LRFN5: variants seen among roughly 807,000 people sequenced by gnomAD.
LRFN5 encodes the protein leucine-rich repeat and fibronectin type-III domain-containing protein 5.
Under a neutral mutation model 45.6 loss-of-function variants are expected in LRFN5, and 24 were observed. The ratio of observed to expected loss-of-function variants is 0.53; its 90% CI spans 0.38 to 0.74. The LOEUF is 0.74. Among genes scored for constraint, LRFN5 ranks in the 30% least tolerant of loss-of-function variants. The probability of loss-of-function intolerance (pLI) is 0.00; values close to 1 mark genes in which losing one functional copy is unlikely to be tolerated. For synonymous variants in LRFN5, 340 were observed against 313.8 expected (o/e 1.08, Z -0.88); for missense variants, 776 against 861.5 (o/e 0.90, Z 1.24).
At chr14:41,825,235 T>C (rs1888253336) in intron 2 of LRFN5, among the ~76,000 whole-genome samples, 1 of 152,120 alleles carries the variant, frequency 6.6e-6, no homozygotes. Context: ...GGAATGGCCA[T>C]CCACAGACGC....
intron 2 of LRFN5, among the ~76,000 whole-genome samples, chr14:41,788,856 G>T (rs1444060318): frequency 6.6e-6 from 1 of 151,920 alleles, no homozygotes; most frequent in Non-Finnish European, 1.5e-5. Flanking sequence ...CTTCCCATGT[G>T]CGTGTTAATA....
intron 1 of LRFN5, among the ~76,000 whole-genome samples, chr14:41,759,995 G>A (rs1215609869): frequency 6.6e-6 from 1 of 152,204 alleles, no homozygotes; most frequent in Non-Finnish European, 1.5e-5. Context: ...GTTTTTTCCA[G>A]TGGTTACATC....
intron 1 of LRFN5, among the ~76,000 whole-genome samples, chr14:41,610,661 TA>T (rs199770856): frequency 0.023 from 872 of 37,326 alleles, 57 homozygotes; most frequent in Non-Finnish European, 0.041. Context: ...CCAGGGAAGG[TA>T]AAAAAAAAAA....
chr14:41,678,329 A>G (rs1434605295), intron 1 of LRFN5, among the ~76,000 whole-genome samples: 2 of 152,042 alleles, frequency 1.3e-5, no homozygotes, highest in Non-Finnish European at 2.9e-5. Flanking sequence ...TATTCAAATA[A>G]TGGTTGAAAA....
At chr14:41,822,624 G>T (rs1378349031) in intron 2 of LRFN5, among the ~76,000 whole-genome samples, 1 of 151,950 alleles carries the variant, frequency 6.6e-6, no homozygotes, top group South Asian at 2.1e-4. Flanking sequence ...ATATTCTGTT[G>T]TTGGGAACAA....
At chr14:41,705,936 G>A (rs1460540224) in intron 1 of LRFN5, among the ~76,000 whole-genome samples, 2 of 152,092 alleles carry the variant, frequency 1.3e-5, no homozygotes, top group East Asian at 1.9e-4. Context: ...AGCATACCTT[G>A]TGGAAATCCT....
chr14:41,851,256 A>G (rs1889255634), intron 2 of LRFN5, among the ~76,000 whole-genome samples: 1 of 147,974 alleles, frequency 6.8e-6, no homozygotes, highest in Non-Finnish European at 1.5e-5. Context: ...TGAAACTAGA[A>G]AACAATTCTT....
chr14:41,782,838 A>T (rs2138922886), intron 2 of LRFN5, among the ~76,000 whole-genome samples: 1 of 152,236 alleles, frequency 6.6e-6, no homozygotes, highest in African/African-American at 2.4e-5. Context: ...AATCACTCTT[A>T]TTACATTGGA....
chr14:41,716,913 T>C (rs1192741067), intron 1 of LRFN5, among the ~76,000 whole-genome samples: 1 of 152,186 alleles, frequency 6.6e-6, no homozygotes, highest in Non-Finnish European at 1.5e-5. Context: ...CTGTCTTCTC[T>C]CCTTCAAGTC....
intron 1 of LRFN5, among the ~76,000 whole-genome samples, chr14:41,645,527 G>GT (rs35226085): frequency 0.67 from 101,995 of 152,074 alleles, 34,783 homozygotes; most frequent in East Asian, 0.78. Context: ...CACATTTTAA[G>GT]TCTCAAACTA....
chr14:41,643,329 T>A (rs1879667399), intron 1 of LRFN5, among the ~76,000 whole-genome samples: 1 of 152,192 alleles, frequency 6.6e-6, no homozygotes, highest in East Asian at 1.9e-4. Flanking sequence ...AATGGAATGT[T>A]GAATACATAT....
At chr14:41,862,661 G>A (rs1275686771) in intron 2 of LRFN5, among the ~76,000 whole-genome samples, 1 of 152,116 alleles carries the variant, frequency 6.6e-6, no homozygotes, top group Non-Finnish European at 1.5e-5. Context: ...TACAGACAGA[G>A]TATGAGAGTA....
At chr14:41,801,028 T>C (rs541406771) in intron 2 of LRFN5, among the ~76,000 whole-genome samples, 4 of 152,194 alleles carry the variant, frequency 2.6e-5, no homozygotes, top group East Asian at 1.9e-4. Flanking sequence ...TGTTTATATA[T>C]AATGACAATA....
intron 2 of LRFN5, among the ~76,000 whole-genome samples, chr14:41,856,024 G>C (rs1026894461): frequency 1.4e-4 from 22 of 151,902 alleles, no homozygotes; most frequent in Admixed American, 7.2e-4. Flanking sequence ...CTAATATCTA[G>C]GCCTTTCAGA....
chr14:41,816,269 G>A (rs770752714), intron 2 of LRFN5, among the ~76,000 whole-genome samples: 9 of 151,780 alleles, frequency 5.9e-5, no homozygotes, highest in South Asian at 2.1e-4. Flanking sequence ...ATATATATAT[G>A]CATAGATTAT....
intron 2 of LRFN5, among the ~76,000 whole-genome samples, chr14:41,792,747 A>G (rs531890182): frequency 1.3e-5 from 2 of 152,170 alleles, no homozygotes; most frequent in Non-Finnish European, 2.9e-5. Flanking sequence ...CACTGATTTC[A>G]TCTTGTTCAA....
intron 4 of LRFN5, chr14:41,892,399 G>A (rs1208292227): frequency 2.0e-6 from 2 of 984,998 alleles, no homozygotes; most frequent in Non-Finnish European, 2.4e-6. Context: ...TAGCAGCAGT[G>A]CCTTTCCCTA....
At chr14:41,719,729 A>G (rs1243686343) in intron 1 of LRFN5, among the ~76,000 whole-genome samples, 2 of 151,182 alleles carry the variant, frequency 1.3e-5, no homozygotes, top group Admixed American at 6.6e-5. Context: ...GTGTGTATAT[A>G]TATGTATGTG....
intron 2 of LRFN5, among the ~76,000 whole-genome samples, chr14:41,827,796 A>G (rs1888348230): frequency 6.6e-6 from 1 of 152,028 alleles, no homozygotes; most frequent in Non-Finnish European, 1.5e-5. Flanking sequence ...CTGAAATACC[A>G]ACACATTTCA....
Sources: allele counts gnomAD v4.1 joint callset (sites outside exome capture counted in the v4.1 genomes callset), GRCh38; gene constraint gnomAD v4.1.1; transcripts MANE v1.5; gene names NCBI Gene and HGNC (gene_info 2026-07-23, HGNC 2026-07-21).